The following YIPF4 variants were observed in gnomAD, a reference collection of about 807,000 sequenced individuals.
YIPF4 encodes protein YIPF4.
YIPF4 carries 18 observed loss-of-function variants against 29.4 expected under a neutral mutation model. That is an observed-to-expected ratio of 0.61 (90% CI 0.42 to 0.91). The LOEUF (loss-of-function observed/expected upper bound fraction) is 0.91. YIPF4 is among the 40% of genes least tolerant of loss of function. YIPF4 has a pLI of 0.00. For synonymous variants in YIPF4, 115 were observed against 104.7 expected, an observed-to-expected ratio of 1.10 and a Z score of -0.60; for missense variants, 279 against 282.7, an observed-to-expected ratio of 0.99 and a Z score of 0.09.
At chr2:32,303,202 C>G (rs999066073) in intron 5 of YIPF4, among the ~76,000 whole-genome samples, 14 of 152,140 alleles carry the variant, frequency 9.2e-5, no homozygotes, top group Non-Finnish European at 2.1e-4. Flanking sequence ...AACTCCATCT[C>G]TACAAAATTT....
chr2:32,298,030 G>C (rs2031260992), intron 3 of YIPF4, among the ~76,000 whole-genome samples: 1 of 151,928 alleles, frequency 6.6e-6, no homozygotes, highest in Non-Finnish European at 1.5e-5. Flanking sequence ...ATTGATAATT[G>C]CTAAGATTTT....
At position 32,308,179 on chromosome 2, in the gene YIPF4, G is replaced by T. The variant is rs979353469; in HGVS notation, c.*2553G>T. The T allele has an allele frequency of 6.6e-6, 1 of 151,792 alleles. No individual in the cohort carries two copies. The highest frequency in any genetic ancestry group is 1.5e-5 in the Non-Finnish European group (1 of 68,000). The allele number at this position is 151,792 out of a possible 1,614,324, so 9.4% of individuals were successfully genotyped here. On this transcript the variant is annotated 3_prime_UTR_variant, in exon 6 of 6. Coordinates refer to ENST00000238831, the MANE Select transcript of YIPF4 (RefSeq NM_032312.4). ...AGCTGGAGTGCAATGGCACGATCTC[G>T]GCTCACTGCAAGCTCTGCCTCCCGG...
At chr2:32,282,610 C>T (rs373943774) in intron 1 of YIPF4, among the ~76,000 whole-genome samples, 83 of 151,990 alleles carry the variant, frequency 5.5e-4, no homozygotes, top group Admixed American at 2.0e-3. Flanking sequence ...TGTTTTGTAT[C>T]GTTAGTAGAC....
chr2:32,315,929 C>T lies in YIPF4; in HGVS notation c.*10303C>T, dbSNP rs1444207928. On this transcript the variant is annotated 3_prime_UTR_variant, in exon 6 of 6. Transcript: ENST00000238831. ...GCACGGTGGCTCATGCCTGTAATCC[C>T]AGCTCTCAGGGAGGCAAGAGGCAGG... 1.3e-5 allele frequency: 2 copies of T among 150,962 alleles called. No homozygotes were observed. Among genetic ancestry groups the T allele is most frequent in the Non-Finnish European group, 2.9e-5 (2 of 67,870 alleles). 9.4% of individuals were successfully genotyped at this position (150,962 alleles called of 1,614,324 possible).
chr2:32,299,790 C>T (rs936819835), intron 4 of YIPF4, among the ~76,000 whole-genome samples: 2 of 151,942 alleles, frequency 1.3e-5, no homozygotes, highest in Non-Finnish European at 2.9e-5. Flanking sequence ...GTAGCCTGGC[C>T]GACGGTGAAA....
Position 32,292,167 on chromosome 2 carries a change from A to G in YIPF4, c.234-10A>G. On this transcript the variant is annotated splice_polypyrimidine_tract_variant and intron_variant, in intron 2 of 5. Transcript: ENST00000238831. ...TGTGCCTTTTGAGAATTTTTATTTT[A>G]AAATTATAGGGAAGAATTGGACATT... The G allele has an allele frequency of 2.8e-6, 4 of 1,424,892 alleles. No individual in the cohort carries two copies. The highest frequency in any genetic ancestry group is 3.7e-6 in the Non-Finnish European group (4 of 1,079,296). The allele number at this position is 1,424,892 out of a possible 1,614,324, so 88.3% of individuals were successfully genotyped here. A position where few individuals can be genotyped will look rare whatever the true frequency, so the allele number is the denominator to read the frequency against.
intron 1 of YIPF4, among the ~76,000 whole-genome samples, chr2:32,278,438 C>G (rs984778220): frequency 2.0e-5 from 3 of 152,022 alleles, no homozygotes; most frequent in Non-Finnish European, 4.4e-5. Context: ...TTTAAAGCAT[C>G]AAGTTACTCG....
rs573803533 is a variant in YIPF4 at position 32,278,454 on chromosome 2, C to A, written c.79+220C>A. Reference sequence around the variant, plus strand: ...TTAAAGCATCAAGTTACTCGGTCAGCCCTTGGTTTTCCCCATACCGTCTGG... The same window carrying A: ...TTAAAGCATCAAGTTACTCGGTCAGACCTTGGTTTTCCCCATACCGTCTGG... On this transcript the variant is annotated intron_variant, in intron 1 of 5. Coordinates refer to ENST00000238831, the MANE Select transcript of YIPF4 (RefSeq NM_032312.4). 1.2e-4 allele frequency among the ~76,000 whole-genome samples: 19 copies of A among 152,198 alleles called. No individual in the cohort carries two copies. In the South Asian group the frequency reaches 4.0e-3, roughly 32 times the overall value.
At chr2:32,303,601 G>A (rs963023998) in intron 5 of YIPF4, among the ~76,000 whole-genome samples, 4 of 152,118 alleles carry the variant, frequency 2.6e-5, no homozygotes, top group Admixed American at 6.6e-5. Context: ...TGGGAGGATC[G>A]CCTGAGCCCA....
chr2:32,278,152 C>G lies in YIPF4; in HGVS notation c.-4C>G, dbSNP rs541139022. ...TACCGCGGCCGGTTGGGAGTCGCCGCGAGATGCAGCCTCCGGGCCCGCCCC... is the reference window on the plus strand; with the variant it reads ...TACCGCGGCCGGTTGGGAGTCGCCGGGAGATGCAGCCTCCGGGCCCGCCCC... On this transcript the variant is annotated 5_prime_UTR_variant, in exon 1 of 6. Transcript: ENST00000238831. The G allele has an allele frequency of 1.9e-6, 3 of 1,556,684 alleles. No homozygotes were observed. Among genetic ancestry groups the G allele is most frequent in the East Asian group, 2.4e-5 (1 of 41,074 alleles).
intron 3 of YIPF4, among the ~76,000 whole-genome samples, chr2:32,293,291 TC>T (rs2031001773): frequency 6.6e-6 from 1 of 152,058 alleles, no homozygotes. Flanking sequence ...TGGTGATGAC[TC>T]TTAACGAGCA....
At chr2:32,304,908 A>T (rs2031524333) in intron 5 of YIPF4, among the ~76,000 whole-genome samples, 1 of 152,160 alleles carries the variant, frequency 6.6e-6, no homozygotes, top group African/African-American at 2.4e-5. Flanking sequence ...ACAAAATGTG[A>T]TCTTTTTATC....
rs1386429401 is a variant in YIPF4 at position 32,312,594 on chromosome 2, C to T, written c.*6968C>T. 1 of 150,550 alleles carries T rather than the reference C, an allele frequency of 6.6e-6. No individual in the cohort carries two copies. The highest frequency in any genetic ancestry group is 1.5e-5 in the Non-Finnish European group (1 of 67,910). 9.3% of individuals were successfully genotyped at this position (150,550 alleles called of 1,614,324 possible). On this transcript the variant is annotated 3_prime_UTR_variant, in exon 6 of 6. Coordinates refer to ENST00000238831, the MANE Select transcript of YIPF4 (RefSeq NM_032312.4). The stretch of plus-strand genomic sequence containing the variant: ...GAAGAAACAGCCTTTGAATTTGGCA[C>T]CCTGAATGTGAAGGGACAATAGATA...
At position 32,298,146 on chromosome 2, in the gene YIPF4, CTG is replaced by C. The variant is rs1573539042; in HGVS notation, c.406-86_406-85del. The C allele has an allele frequency of 3.8e-6, 4 of 1,046,524 alleles. No individual in the cohort carries two copies. The East Asian group carries it at 9.7e-5, about 25-fold the overall frequency. 64.8% of individuals were successfully genotyped at this position (1,046,524 alleles called of 1,614,324 possible). ...ATGACCTGAAATTGGGCATGCTAAA[CTG>C]TCATTTATGGCAGAGAATCGAGTTC... On this transcript the variant is annotated intron_variant, in intron 3 of 5. Transcript: ENST00000238831.
intron 3 of YIPF4, among the ~76,000 whole-genome samples, chr2:32,296,074 C>G (rs867897820): frequency 6.6e-6 from 1 of 152,198 alleles, no homozygotes; most frequent in Middle Eastern, 3.2e-3. Flanking sequence ...GCAAAGACCA[C>G]TGAAGAAGGT....
intron 3 of YIPF4, among the ~76,000 whole-genome samples, chr2:32,296,143 G>A (rs2031172306): frequency 2.0e-5 from 3 of 152,100 alleles, no homozygotes; most frequent in African/African-American, 4.8e-5. Context: ...ATCTCTAATT[G>A]TATCTGTTTT....
chr2:32,299,531 A>T (rs1212759010), intron 4 of YIPF4, among the ~76,000 whole-genome samples: 1 of 152,124 alleles, frequency 6.6e-6, no homozygotes, highest in Non-Finnish European at 1.5e-5. Flanking sequence ...TCACACCAGA[A>T]CTCAAGGGGG....
chr2:32,296,514 C>T (rs569605342), intron 3 of YIPF4, among the ~76,000 whole-genome samples: 28 of 151,456 alleles, frequency 1.8e-4, no homozygotes, highest in African/African-American at 5.6e-4. Context: ...ATTACTATAC[C>T]ATCATAGAAC....
In YIPF4 at chr2:32,315,040, A is replaced by G. The variant is rs1005564543; in HGVS notation, c.*9414A>G. ...TAATAAATCCAAGGTTACATAATCC[A>G]TAACTGATATGGCAGTTTAACAGTG... On this transcript the variant is annotated 3_prime_UTR_variant, in exon 6 of 6. Coordinates refer to ENST00000238831, the MANE Select transcript of YIPF4 (RefSeq NM_032312.4). 3 of 152,234 alleles carry G rather than the reference A, an allele frequency of 2.0e-5. No homozygotes were observed. The highest frequency in any genetic ancestry group is 2.9e-5 in the Non-Finnish European group (2 of 68,048). The allele number at this position is 152,234 out of a possible 1,614,324, so 9.4% of individuals were successfully genotyped here. A position where few individuals can be genotyped will look rare whatever the true frequency, so the allele number is the denominator to read the frequency against.
Sources: gnomAD v4.1 joint callset for allele counts (sites outside exome capture counted in the v4.1 genomes callset) on GRCh38, gnomAD v4.1.1 for gene constraint, MANE v1.5 for transcripts, NCBI Gene and HGNC (gene_info 2026-07-23, HGNC 2026-07-21) for gene names.